CDK5RAP1: variants seen among roughly 807,000 people sequenced by gnomAD.
CDK5RAP1 encodes CDK5RAP1 mitochondrial tRNA methylthiotransferase.
A neutral mutation model predicts 64.5 loss-of-function variants in CDK5RAP1; 62 were observed. That is an observed-to-expected ratio of 0.96 (90% CI 0.78 to 1.19). CDK5RAP1 has a LOEUF of 1.19. CDK5RAP1 is among the 50% of genes most tolerant of loss of function. The pLI is 0.00. For missense variants in CDK5RAP1, 657 were observed against 735.0 expected (o/e 0.89, Z 1.23); for synonymous variants, 250 against 261.9 (o/e 0.95, Z 0.44).
chr20:33,370,577 T>C lies in CDK5RAP1; in HGVS notation c.1314A>G (p.Glu438=), dbSNP rs142957144. Residue 438 remains glutamate (E), a synonymous_variant, in exon 11 of 14, where the codon GAA becomes GAG. Coordinates refer to ENST00000346416, the MANE Select transcript of CDK5RAP1 (RefSeq NM_016408.4). The stretch of plus-strand genomic sequence containing the variant: ...GCAAAGAGACTGTCTGGACGTGATC[T>C]TCCTCCGTCTCACCACAAAAGCCAG... The part of the protein sequence containing the change: ...FIAGFCGETE[E]DHVQTVSLLR... The C allele has an allele frequency of 6.2e-7, 1 of 1,614,170 alleles. No individual in the cohort carries two copies. The highest frequency in any genetic ancestry group is 8.5e-7 in the Non-Finnish European group (1 of 1,180,006).
chr20:33,382,705 A>T (rs1405504758), intron 7 of CDK5RAP1, among the ~76,000 whole-genome samples: 1 of 151,956 alleles, frequency 6.6e-6, no homozygotes, highest in African/African-American at 2.4e-5. Flanking sequence ...AAAATAAAAT[A>T]AAAATATTCT....
chr20:33,372,156 A>T (rs143780010), intron 10 of CDK5RAP1, among the ~76,000 whole-genome samples: 1 of 152,114 alleles, frequency 6.6e-6, no homozygotes, highest in Non-Finnish European at 1.5e-5. Flanking sequence ...TGCTTAAAGT[A>T]TTCTAACTCA....
intron 12 of CDK5RAP1, among the ~76,000 whole-genome samples, chr20:33,365,501 A>C (rs942888599): frequency 8.7e-5 from 13 of 148,640 alleles, no homozygotes; most frequent in Non-Finnish European, 1.6e-4. Flanking sequence ...CGAACTCCTG[A>C]CCTCAAGTGA....
Position 33,395,131 on chromosome 20 carries a change from T to C in CDK5RAP1, c.305-15A>G. ...CTCGAGGTAGACTGCAGTGAGAGGT[T>C]GGGGGGAATCCATGGTAGACAGACA... On this transcript the variant is annotated splice_polypyrimidine_tract_variant and intron_variant, in intron 2 of 13. Transcript: ENST00000346416. The C allele has an allele frequency of 6.7e-7, 1 of 1,490,896 alleles. No homozygotes were observed. The highest frequency in any genetic ancestry group is 9.4e-7 in the Non-Finnish European group (1 of 1,068,240). The allele number at this position is 1,490,896 out of a possible 1,614,324, so 92.4% of individuals were successfully genotyped here.
In CDK5RAP1 at chr20:33,360,468, G is replaced by T. The variant is rs753021952; in HGVS notation, c.1566C>A (p.Asp522Glu). 3.1e-6 allele frequency: 5 copies of T among 1,611,462 alleles called. No individual in the cohort carries two copies. Among genetic ancestry groups the T allele is most frequent in the Non-Finnish European group, 4.2e-6 (5 of 1,178,910 alleles). ...GGTTTCCATCATTCCTGCCACACAG[G>T]TCAGTGGCAGAGCGTTTACTGAGCT... ...VEGLSKRSAT[D>E]LCGRNDGNLK... is the part of the protein sequence containing the mutation. Residue 522 changes from aspartate to glutamate, a missense_variant, in exon 13 of 14, where the codon GAC (aspartate) becomes GAA (glutamate). Asp to Glu is a conservative substitution (Grantham distance 45). Coordinates refer to ENST00000346416, the MANE Select transcript of CDK5RAP1 (RefSeq NM_016408.4).
intron 11 of CDK5RAP1, among the ~76,000 whole-genome samples, chr20:33,369,667 G>A (rs1984660485): frequency 6.6e-6 from 1 of 152,150 alleles, no homozygotes; most frequent in Non-Finnish European, 1.5e-5. Flanking sequence ...TGTCATCTCA[G>A]CACTTTGAGA....
chr20:33,395,203 A>T, intron 2 of CDK5RAP1, 87 bp from the exon 3 acceptor site: 1 of 776,612 alleles, frequency 1.3e-6, no homozygotes, highest in Non-Finnish European at 2.3e-6. Flanking sequence ...AATGCTCTAG[A>T]AATATCTGAG....
intron 13 of CDK5RAP1, 81 bp from the exon 14 acceptor site, chr20:33,359,204 GC>G: frequency 3.8e-6 from 4 of 1,060,134 alleles, no homozygotes; most frequent in Non-Finnish European, 4.3e-6. Context: ...TAGAGGAGAA[GC>G]CCCCAAAAGG....
chr20:33,397,102 AC>A lies in CDK5RAP1; in HGVS notation c.-20-19del. The A allele has an allele frequency of 6.4e-7, 1 of 1,552,214 alleles. No individual in the cohort carries two copies. The highest frequency in any genetic ancestry group is 8.7e-7 in the Non-Finnish European group (1 of 1,149,792). ...CCCACAGTCTGCAAAAGAATGACAG[AC>A]ATCACCAGCATTTATTGAACACTAT... On this transcript the variant is annotated intron_variant, in intron 1 of 13. Coordinates refer to ENST00000346416, the MANE Select transcript of CDK5RAP1 (RefSeq NM_016408.4).
intron 10 of CDK5RAP1, among the ~76,000 whole-genome samples, chr20:33,371,204 G>A (rs1191571015): frequency 6.6e-6 from 1 of 152,108 alleles, no homozygotes; most frequent in East Asian, 1.9e-4. Context: ...GAGGTGGGAG[G>A]ATCACCTGAG....
At chr20:33,390,726 A>C (rs1190926310) in intron 5 of CDK5RAP1, among the ~76,000 whole-genome samples, 1 of 152,200 alleles carries the variant, frequency 6.6e-6, no homozygotes, top group East Asian at 1.9e-4. Context: ...AATGGAACAG[A>C]ACATTTCAGC....
Position 33,401,483 on chromosome 20 carries a change from C to T in CDK5RAP1, c.-76G>A. The T allele has an allele frequency of 1.0e-6, 1 of 985,468 alleles. No homozygotes were observed. Among genetic ancestry groups the T allele is most frequent in the Non-Finnish European group, 1.2e-6 (1 of 829,938 alleles). The allele number at this position is 985,468 out of a possible 1,614,324, so 61.0% of individuals were successfully genotyped here. A position where few individuals can be genotyped will look rare whatever the true frequency, so the allele number is the denominator to read the frequency against. On this transcript the variant is annotated 5_prime_UTR_variant, in exon 1 of 14. Transcript: ENST00000346416. Reference sequence around the variant, plus strand: ...CGCAGCGTAAGTTCTGCCGGCAAGTCGGATCCCCTCACAGGTCCGCCGCTG... The same window carrying T: ...CGCAGCGTAAGTTCTGCCGGCAAGTTGGATCCCCTCACAGGTCCGCCGCTG...
intron 7 of CDK5RAP1, among the ~76,000 whole-genome samples, chr20:33,380,895 G>A (rs1002026643): frequency 1.3e-5 from 2 of 152,162 alleles, no homozygotes; most frequent in Non-Finnish European, 2.9e-5. Context: ...AGCTACTAAG[G>A]AGGGTGAGGC....
intron 12 of CDK5RAP1, among the ~76,000 whole-genome samples, chr20:33,364,034 T>C (rs1373398453): frequency 2.6e-5 from 4 of 152,166 alleles, no homozygotes; most frequent in African/African-American, 9.7e-5. Flanking sequence ...TATTTGGTAA[T>C]ATTAAGAAAA....
intron 7 of CDK5RAP1, among the ~76,000 whole-genome samples, chr20:33,382,853 A>G (rs1393952339): frequency 2.7e-5 from 4 of 148,798 alleles, no homozygotes; most frequent in Non-Finnish European, 4.5e-5. Flanking sequence ...CAACAGAACA[A>G]GACTCTGTCT....
intron 8 of CDK5RAP1, among the ~76,000 whole-genome samples, chr20:33,378,950 T>C (rs532048227): frequency 6.6e-6 from 1 of 152,242 alleles, no homozygotes; most frequent in African/African-American, 2.4e-5. Flanking sequence ...CACTCCCACC[T>C]TGGCAGACTT....
rs377572590 is a variant in CDK5RAP1 at position 33,387,452 on chromosome 20, C to T, written c.626G>A (p.Arg209Gln). 6.8e-6 allele frequency: 11 copies of T among 1,613,888 alleles called. No individual in the cohort carries two copies. The highest frequency in any genetic ancestry group is 1.7e-5 in the Admixed American group (1 of 59,992). The change falls in exon 6 of 14, where the codon CGG (arginine) becomes CAG (glutamine). Residue 209 changes from arginine (R) to glutamine (Q), a missense_variant. By Grantham distance (43) the Arg-to-Gln change is conservative. Transcript: ENST00000346416. The part of the protein sequence containing the change: ...VDILAGPDAY[R>Q]DLPRLLAVAE... ...AACAGCCAGCAGCCGGGGAAGGTCC[C>T]GGTAGGCATCAGGACCAGCCAAAAT...
intron 11 of CDK5RAP1, among the ~76,000 whole-genome samples, chr20:33,368,508 A>G (rs114676602): frequency 0.01 from 1,067 of 105,750 alleles, 20 homozygotes; most frequent in African/African-American, 0.038. Flanking sequence ...GGGTCTCCCT[A>G]TGTTACCCAG....
In CDK5RAP1 at chr20:33,360,499, A is replaced by G. The variant is rs1982714502; in HGVS notation, c.1543-8T>C. ...GGCAGAGCGTTTACTGAGCTGCAGA[A>G]AGAAGAGAGAAGAGTTCGTGGATTT... On this transcript the variant is annotated splice_region_variant and splice_polypyrimidine_tract_variant and intron_variant, in intron 12 of 13. Transcript: ENST00000346416. 1.9e-6 allele frequency: 3 copies of G among 1,602,608 alleles called. No homozygotes were observed. In the East Asian group the frequency reaches 6.7e-5, roughly 36 times the overall value.
Sources: gnomAD v4.1 joint callset for allele counts (sites outside exome capture counted in the v4.1 genomes callset) on GRCh38, gnomAD v4.1.1 for gene constraint, MANE v1.5 for transcripts, NCBI Gene and HGNC (gene_info 2026-07-23, HGNC 2026-07-21) for gene names.